Variants in COMMD10 observed in about 807,000 individuals in gnomAD.
The protein encoded by COMMD10 is COMM domain containing 10.
COMMD10 carries 33 observed loss-of-function variants against 28.9 expected under a neutral mutation model. The observed-to-expected ratio is 1.14, with a 90% confidence interval of 0.87 to 1.53. COMMD10 has a LOEUF of 1.53. Ranked by LOEUF, COMMD10 falls within the 40% of genes most tolerant of loss-of-function variation. COMMD10 has a pLI of 0.00. For missense variants in COMMD10, 310 were observed against 233.4 expected (o/e 1.33, Z -2.14); for synonymous variants, 110 against 81.7 (o/e 1.35, Z -1.87).
chr5:116,208,677 A>G (rs1336175820), intron 5 of COMMD10, among the ~76,000 whole-genome samples: 1 of 133,064 alleles, frequency 7.5e-6, no homozygotes, highest in Non-Finnish European at 1.6e-5. Context: ...CACTGTGTGA[A>G]TAGACATAGA....
intron 5 of COMMD10, among the ~76,000 whole-genome samples, chr5:116,233,802 A>C (rs1198616864): frequency 1.3e-5 from 2 of 152,064 alleles, no homozygotes; most frequent in Non-Finnish European, 2.9e-5. Flanking sequence ...TTGGAAGAGG[A>C]GAGGTGAGAG....
At chr5:116,160,567 A>G (rs1752883222) in intron 5 of COMMD10, among the ~76,000 whole-genome samples, 3 of 152,092 alleles carry the variant, frequency 2.0e-5, no homozygotes, top group Non-Finnish European at 4.4e-5. Flanking sequence ...GTTTGATTGC[A>G]TCAGATCTAA....
At chr5:116,218,414 C>T in intron 5 of COMMD10, 1 of 425,314 alleles carries the variant, frequency 2.4e-6, no homozygotes. Context: ...AAATCAACCA[C>T]TCTTAATAGT....
intron 4 of COMMD10, among the ~76,000 whole-genome samples, chr5:116,127,024 C>G (rs1436210819): frequency 1.3e-5 from 2 of 152,290 alleles, no homozygotes; most frequent in East Asian, 3.9e-4. Flanking sequence ...ACAATCTACC[C>G]AACTGACAAA....
intron 5 of COMMD10, among the ~76,000 whole-genome samples, chr5:116,163,971 A>G (rs2112570775): frequency 6.6e-6 from 1 of 152,260 alleles, no homozygotes; most frequent in Non-Finnish European, 1.5e-5. Flanking sequence ...TTACAGGTTT[A>G]TCTACAAAGG....
chr5:116,092,673 C>T lies in COMMD10; in HGVS notation c.372C>T (p.Phe124=). The T allele has an allele frequency of 6.2e-7, 1 of 1,607,560 alleles. No individual in the cohort carries two copies. The highest frequency in any genetic ancestry group is 8.5e-7 in the Non-Finnish European group (1 of 1,176,808). The stretch of plus-strand genomic sequence containing the variant: ...TGGGTCAAGAAACAGTTGAAAAGTT[C>T]CGGCAGAGAATTCTGGCTCCCTGTA... ...SSMGQETVEK[F]RQRILAPCKL... The change falls in exon 4 of 7, where the codon TTC becomes TTT. Residue 124 remains phenylalanine (F), a synonymous_variant. Transcript: ENST00000274458.
At position 116,085,083 on chromosome 5, in the gene COMMD10, G is replaced by T. The variant is rs778217936; in HGVS notation, c.31G>T (p.Glu11Ter). The T allele has an allele frequency of 6.2e-7, 1 of 1,610,384 alleles. No individual in the cohort carries two copies. The highest frequency in any genetic ancestry group is 8.5e-7 in the Non-Finnish European group (1 of 1,179,128). ...GGTCCCCGCGGCGCTGATCCTACGG[G>T]AGAGCCCCAGGTAGCTGATCCGTTA... MAVPAALILRESPSMKKAVSL... is the reference protein window; with the variant it reads MAVPAALILR Residue 11 changes from glutamate to a stop codon, truncating the protein, a stop_gained, in exon 1 of 7, where the codon GAG becomes TAG. Coordinates refer to ENST00000274458, the MANE Select transcript of COMMD10 (RefSeq NM_016144.4). LOFTEE classifies it high-confidence loss of function.
intron 4 of COMMD10, among the ~76,000 whole-genome samples, chr5:116,114,730 G>C (rs549016486): frequency 5.7e-4 from 87 of 152,308 alleles, no homozygotes; most frequent in African/African-American, 2.1e-3. Context: ...TTTCAGCATT[G>C]GCTGGCAAGT....
chr5:116,169,611 C>A (rs1468534653), intron 5 of COMMD10, among the ~76,000 whole-genome samples: 1 of 152,150 alleles, frequency 6.6e-6, no homozygotes, highest in Non-Finnish European at 1.5e-5. Context: ...CAAACTGAAT[C>A]CAGCAGCATA....
intron 5 of COMMD10, among the ~76,000 whole-genome samples, chr5:116,270,476 C>T (rs542387884): frequency 1.3e-5 from 2 of 151,876 alleles, no homozygotes; most frequent in South Asian, 2.1e-4. Flanking sequence ...AATTTGGCGT[C>T]TGTATTTAGA....
intron 5 of COMMD10, among the ~76,000 whole-genome samples, chr5:116,159,198 A>G (rs1006881118): frequency 1.3e-5 from 2 of 152,322 alleles, no homozygotes; most frequent in South Asian, 4.1e-4. Context: ...AAAGGCCTGT[A>G]AGAACCCACA....
intron 5 of COMMD10, among the ~76,000 whole-genome samples, chr5:116,283,399 T>G (rs1460335089): frequency 2.0e-5 from 3 of 151,174 alleles, no homozygotes; most frequent in Non-Finnish European, 2.9e-5. Context: ...CAGGCTGGAG[T>G]GCAGAGGCAC....
intron 5 of COMMD10, among the ~76,000 whole-genome samples, chr5:116,283,491 C>T (rs903131631): frequency 1.3e-5 from 2 of 151,540 alleles, no homozygotes; most frequent in African/African-American, 2.4e-5. Flanking sequence ...GAATTACAGG[C>T]ACCCACCACC....
chr5:116,198,961 T>C (rs1435928351), intron 5 of COMMD10, among the ~76,000 whole-genome samples: 1 of 152,196 alleles, frequency 6.6e-6, no homozygotes, highest in Non-Finnish European at 1.5e-5. Context: ...TCAACTCCTT[T>C]GGATAAATAC....
At chr5:116,260,229 A>G (rs973539281) in intron 5 of COMMD10, among the ~76,000 whole-genome samples, 1 of 151,830 alleles carries the variant, frequency 6.6e-6, no homozygotes, top group African/African-American at 2.4e-5. Context: ...CATATTATGA[A>G]GGGAGGAAAA....
intron 5 of COMMD10, among the ~76,000 whole-genome samples, chr5:116,225,971 T>G (rs1273422344): frequency 2.0e-5 from 3 of 152,074 alleles, no homozygotes; most frequent in African/African-American, 7.2e-5. Flanking sequence ...CTTTAAATTT[T>G]CAGCTCTTTT....
Position 116,091,091 on chromosome 5 carries a change from T to C in COMMD10, c.145T>C (p.Phe49Leu). ...QKLHLKAESS[F>L]SEEEEEKLQA... is the part of the protein sequence containing the mutation. ...ATTTGTATTATAGGCTGAGAGCAGTTTCAGTGAAGAAGAGGAAGAAAAACT... is the reference window on the plus strand; with the variant it reads ...ATTTGTATTATAGGCTGAGAGCAGTCTCAGTGAAGAAGAGGAAGAAAAACT... The change falls in exon 3 of 7, where the codon TTC becomes CTC. Residue 49 changes from phenylalanine (F) to leucine (L), a missense_variant. Physicochemically the swap from Phe to Leu is conservative, Grantham distance 22. Coordinates refer to ENST00000274458, the MANE Select transcript of COMMD10 (RefSeq NM_016144.4). 1 of 1,607,652 alleles carries C rather than the reference T, an allele frequency of 6.2e-7. No individual in the cohort carries two copies. Among genetic ancestry groups the C allele is most frequent in the South Asian group, 1.1e-5 (1 of 90,210 alleles).
chr5:116,159,999 G>C (rs1051738134), intron 5 of COMMD10, among the ~76,000 whole-genome samples: 4 of 152,154 alleles, frequency 2.6e-5, no homozygotes, highest in Non-Finnish European at 4.4e-5. Context: ...TTATGGACCA[G>C]GAATTGGAGG....
At chr5:116,269,034 C>T (rs1374099868) in intron 5 of COMMD10, among the ~76,000 whole-genome samples, 3 of 151,486 alleles carry the variant, frequency 2.0e-5, no homozygotes, top group Non-Finnish European at 2.9e-5. Flanking sequence ...CAACATGGCA[C>T]GTGTATACAT....
Sources: allele counts gnomAD v4.1 joint callset (sites outside exome capture counted in the v4.1 genomes callset), GRCh38; gene constraint gnomAD v4.1.1; transcripts MANE v1.5; gene names NCBI Gene and HGNC (gene_info 2026-07-23, HGNC 2026-07-21).